PCDH9: variants seen among roughly 807,000 people sequenced by gnomAD.
The protein encoded by PCDH9 is protocadherin 9, also known as protocadherin-9.
In PCDH9, 24 loss-of-function variants were observed where a neutral mutation model predicts 70.6. The observed-to-expected ratio is 0.34, with a 90% CI of 0.25 to 0.48. The LOEUF is 0.48. Ranked by LOEUF, PCDH9 falls within the 20% of genes least tolerant of loss-of-function variation. The pLI, the probability that PCDH9 is intolerant of heterozygous loss-of-function variation, is 0.99. For synonymous variants in PCDH9, 562 were observed against 558.5 expected (o/e 1.01, Z -0.09); for missense variants, 1,281 against 1,503.6 (o/e 0.85, Z 2.45).
intron 3 of PCDH9, among the ~76,000 whole-genome samples, chr13:66,682,352 TTATC>T (rs67403062): frequency 0.19 from 28,409 of 150,028 alleles, 2,828 homozygotes; most frequent in Middle Eastern, 0.24. Context: ...GCTGTATTTA[TTATC>T]TATCTATCTA....
chr13:66,870,611 T>C (rs2081659820), intron 3 of PCDH9, among the ~76,000 whole-genome samples: 2 of 152,122 alleles, frequency 1.3e-5, no homozygotes, highest in African/African-American at 4.8e-5. Context: ...AGAGGTTATT[T>C]ATGCAGCCAA....
At chr13:66,495,464 T>A (rs1369720185) in intron 4 of PCDH9, among the ~76,000 whole-genome samples, 1 of 152,146 alleles carries the variant, frequency 6.6e-6, no homozygotes, top group Non-Finnish European at 1.5e-5. Context: ...CAAGGCGAGA[T>A]GGGGACTAGG....
rs189539943 is a variant in PCDH9, at chr13:66,862,789, G to C, written c.3138+40715C>G. Among the ~76,000 whole-genome samples, 10 of 152,096 alleles carry C rather than the reference G, an allele frequency of 6.6e-5. No individual in the cohort carries two copies. In the East Asian group the frequency reaches 1.9e-3, roughly 29 times the overall value. On this transcript the variant is annotated intron_variant, in intron 3 of 4. Transcript: ENST00000377865. ...TGTGTCTATCATTCTCAATTAATAG[G>C]TATGTGCCACTTATTCTGTATATTG...
At chr13:67,140,236 G>A (rs923022094) in intron 2 of PCDH9, among the ~76,000 whole-genome samples, 1 of 152,084 alleles carries the variant, frequency 6.6e-6, no homozygotes, top group Non-Finnish European at 1.5e-5. Flanking sequence ...CACATTGCCA[G>A]AACTGACCAT....
At chr13:66,779,829 C>A (rs953273499) in intron 3 of PCDH9, among the ~76,000 whole-genome samples, 1 of 22,990 alleles carries the variant, frequency 4.3e-5, no homozygotes, top group African/African-American at 9.8e-5. Flanking sequence ...CTCTCTCTCT[C>A]TCTCTCTCTC....
chr13:66,311,216 T>C (rs1955553652), intron 4 of PCDH9, among the ~76,000 whole-genome samples: 1 of 152,080 alleles, frequency 6.6e-6, no homozygotes, highest in African/African-American at 2.4e-5. Context: ...AATCTTTCTA[T>C]AATAAAATTT....
chr13:66,604,780 G>C (rs2077202877), intron 4 of PCDH9, among the ~76,000 whole-genome samples: 1 of 151,074 alleles, frequency 6.6e-6, no homozygotes, highest in Non-Finnish European at 1.5e-5. Flanking sequence ...CCATTCATTA[G>C]TGATATTTTT....
intron 2 of PCDH9, among the ~76,000 whole-genome samples, chr13:67,125,825 A>ATG (rs895859775): frequency 2.3e-4 from 32 of 140,870 alleles, no homozygotes; most frequent in African/African-American, 7.2e-4. Context: ...TAATTTAAAA[A>ATG]TGTGTGTATA....
intron 4 of PCDH9, among the ~76,000 whole-genome samples, chr13:66,537,324 T>G (rs975754583): frequency 6.6e-6 from 1 of 152,126 alleles, no homozygotes; most frequent in African/African-American, 2.4e-5. Context: ...ACCTGAAATC[T>G]ATATCGTCCA....
intron 4 of PCDH9, among the ~76,000 whole-genome samples, chr13:66,350,789 C>T (rs1956281106): frequency 1.3e-5 from 2 of 152,306 alleles, no homozygotes; most frequent in East Asian, 1.9e-4. Context: ...AATGGCATTC[C>T]TGCTTCTTAT....
chr13:66,421,283 C>A (rs1957562578), intron 4 of PCDH9, among the ~76,000 whole-genome samples: 1 of 152,072 alleles, frequency 6.6e-6, no homozygotes, highest in South Asian at 2.1e-4. Flanking sequence ...ACTTCCCCGA[C>A]CTAGCAAGAC....
At chr13:66,429,347 A>G (rs568926036) in intron 4 of PCDH9, among the ~76,000 whole-genome samples, 1 of 151,902 alleles carries the variant, frequency 6.6e-6, no homozygotes, top group Non-Finnish European at 1.5e-5. Flanking sequence ...TAGGAGGAGA[A>G]AAATCATGTA....
At chr13:67,187,392 A>G (rs2088785857) in intron 2 of PCDH9, among the ~76,000 whole-genome samples, 3 of 152,196 alleles carry the variant, frequency 2.0e-5, no homozygotes, top group Non-Finnish European at 4.4e-5. Context: ...GATTTGATTT[A>G]TATAGTATGG....
At chr13:66,614,431 A>T (rs552459994) in intron 4 of PCDH9, among the ~76,000 whole-genome samples, 1 of 152,368 alleles carries the variant, frequency 6.6e-6, no homozygotes, top group East Asian at 1.9e-4. Context: ...GCTCTTTGGT[A>T]AAATTTATAA....
intron 4 of PCDH9, among the ~76,000 whole-genome samples, chr13:66,382,032 AGTACAG>A (rs1425663045): frequency 6.6e-6 from 1 of 152,146 alleles, no homozygotes; most frequent in Non-Finnish European, 1.5e-5. Context: ...TTGTGTAAAG[AGTACAG>A]GTTAGACGTT....
chr13:66,399,024 C>T (rs1957147106), intron 4 of PCDH9, among the ~76,000 whole-genome samples: 1 of 152,124 alleles, frequency 6.6e-6, no homozygotes, highest in Admixed American at 6.5e-5. Flanking sequence ...ATAGTACTAA[C>T]ACATGCAAAT....
chr13:66,911,690 A>G (rs922206012), intron 2 of PCDH9, among the ~76,000 whole-genome samples: 2 of 152,158 alleles, frequency 1.3e-5, no homozygotes, highest in African/African-American at 4.8e-5. Context: ...GCCATTTCAC[A>G]AGAGCAATAA....
chr13:66,741,824 T>G (rs1193511945), intron 3 of PCDH9, among the ~76,000 whole-genome samples: 2 of 51,238 alleles, frequency 3.9e-5, no homozygotes, highest in Admixed American at 6.3e-4. Context: ...TACAAACCAC[T>G]GCTCACGGAA....
At chr13:66,595,349 A>G (rs1184690134) in intron 4 of PCDH9, among the ~76,000 whole-genome samples, 4 of 151,708 alleles carry the variant, frequency 2.6e-5, no homozygotes, top group Admixed American at 1.3e-4. Context: ...GATCACCCCA[A>G]TTGCCAGGAG....
Sources: allele counts gnomAD v4.1 joint callset (sites outside exome capture counted in the v4.1 genomes callset), GRCh38; gene constraint gnomAD v4.1.1; transcripts MANE v1.5; gene names NCBI Gene and HGNC (gene_info 2026-07-23, HGNC 2026-07-21).